The following SULF1 variants were observed in gnomAD, a reference collection of about 807,000 sequenced individuals.
The protein encoded by SULF1 is extracellular sulfatase Sulf-1.
SULF1 carries 46 observed loss-of-function variants against 110.5 expected under a neutral mutation model. That is an observed-to-expected ratio of 0.42 (90% confidence interval 0.33 to 0.53). The LOEUF (loss-of-function observed/expected upper bound fraction) is 0.53, where lower values mean the gene tolerates loss of function less well. Ranked by LOEUF, SULF1 falls within the 20% of genes least tolerant of loss-of-function variation. SULF1 has a pLI of 0.12. For synonymous variants in SULF1, 371 were observed against 387.1 expected, an observed-to-expected ratio of 0.96 and a Z score of 0.49; for missense variants, 941 against 1,094.2, an observed-to-expected ratio of 0.86 and a Z score of 1.98.
chr8:69,647,303 T>G (rs1811994100), intron 22 of SULF1, among the ~76,000 whole-genome samples: 1 of 152,210 alleles, frequency 6.6e-6, no homozygotes, highest in Non-Finnish European at 1.5e-5. Context: ...ATTGCAGTTT[T>G]TAATGTCAAT....
intron 3 of SULF1, among the ~76,000 whole-genome samples, chr8:69,524,852 G>T (rs1013599442): frequency 6.6e-6 from 1 of 152,078 alleles, no homozygotes; most frequent in African/African-American, 2.4e-5. Flanking sequence ...GGTGCCAAAT[G>T]ATACTGCAGA....
At chr8:69,595,219 A>T (rs1807214455) in intron 8 of SULF1, among the ~76,000 whole-genome samples, 1 of 152,234 alleles carries the variant, frequency 6.6e-6, no homozygotes, top group South Asian at 2.1e-4. Context: ...TGTGAAGGTC[A>T]TGTGAGTATT....
intron 15 of SULF1, among the ~76,000 whole-genome samples, chr8:69,624,925 CT>C (rs1725816733): frequency 1.3e-5 from 2 of 152,186 alleles, no homozygotes; most frequent in Admixed American, 1.3e-4. Context: ...AATTGTATCA[CT>C]TTGAGGAGAT....
intron 9 of SULF1, among the ~76,000 whole-genome samples, chr8:69,601,318 A>T (rs1454735890): frequency 1.3e-5 from 2 of 152,228 alleles, no homozygotes; most frequent in African/African-American, 2.4e-5. Context: ...TAGATATGTG[A>T]TGATAATTTT....
At chr8:69,502,611 CCTCT>C (rs1443380472) in intron 3 of SULF1, among the ~76,000 whole-genome samples, 3 of 151,890 alleles carry the variant, frequency 2.0e-5, no homozygotes, top group Admixed American at 6.6e-5. Flanking sequence ...ATGTTCAGTT[CCTCT>C]CTATTTCATT....
chr8:69,640,834 C>A lies in SULF1; in HGVS notation c.2578C>A (p.Leu860Ile). ...VGNKDGGSYD[L>I]HRGQLWDGWE... is the part of the protein sequence containing the mutation. ...AAATAAAGATGGAGGAAGCTATGAC[C>A]TACACAGGTATTCACACTTTTTTAT... The change falls in exon 22 of 23, where the codon CTA becomes ATA. Residue 860 changes from leucine to isoleucine, a missense_variant. Leu to Ile is a conservative substitution (Grantham distance 5, BLOSUM62 2). Transcript: ENST00000402687. 1 of 1,610,386 alleles carries A rather than the reference C, an allele frequency of 6.2e-7. No individual in the cohort carries two copies. Among genetic ancestry groups the A allele is most frequent in the South Asian group, 1.1e-5 (1 of 90,332 alleles).
intron 3 of SULF1, among the ~76,000 whole-genome samples, chr8:69,552,852 A>C (rs1814827965): frequency 1.3e-5 from 2 of 152,242 alleles, no homozygotes; most frequent in African/African-American, 4.8e-5. Context: ...GCTCAGAAGA[A>C]TACAGCATGA....
At chr8:69,572,963 G>A (rs947642328) in intron 5 of SULF1, among the ~76,000 whole-genome samples, 2 of 152,130 alleles carry the variant, frequency 1.3e-5, no homozygotes, top group South Asian at 2.1e-4. Flanking sequence ...AAGTAGCTGG[G>A]TCTACAGGCG....
intron 22 of SULF1, among the ~76,000 whole-genome samples, chr8:69,651,051 C>CTTTTTTTTTTTTTTTT (rs111556401): frequency 7.5e-6 from 1 of 134,164 alleles, no homozygotes. Flanking sequence ...TCTTTTTTTT[C>CTTTTTTTTTTTTTTTT]TTTTCTTTTT....
intron 8 of SULF1, among the ~76,000 whole-genome samples, chr8:69,599,254 C>G (rs1050703099): frequency 6.6e-6 from 1 of 152,198 alleles, no homozygotes; most frequent in Non-Finnish European, 1.5e-5. Context: ...CATCATTTCA[C>G]TGATGGGATC....
chr8:69,647,068 C>T (rs1811973875), intron 22 of SULF1, among the ~76,000 whole-genome samples: 2 of 151,630 alleles, frequency 1.3e-5, no homozygotes, highest in South Asian at 4.2e-4. Context: ...CCTCAGCCTC[C>T]CTAGTAGCTG....
At chr8:69,591,296 T>C (rs914003948) in intron 8 of SULF1, among the ~76,000 whole-genome samples, 1 of 152,222 alleles carries the variant, frequency 6.6e-6, no homozygotes, top group Admixed American at 6.5e-5. Context: ...GGCTCACGCC[T>C]GTAATCTCAG....
chr8:69,573,943 G>A (rs1805420909), intron 5 of SULF1, among the ~76,000 whole-genome samples: 1 of 152,002 alleles, frequency 6.6e-6, no homozygotes, highest in South Asian at 2.1e-4. Flanking sequence ...ACATCACTTG[G>A]GTCTGCTTCT....
chr8:69,472,798 G>A (rs780401381), intron 1 of SULF1, among the ~76,000 whole-genome samples: 1 of 152,144 alleles, frequency 6.6e-6, no homozygotes, highest in African/African-American at 2.4e-5. Flanking sequence ...TGTGGTCCAT[G>A]TACTCCTGCA....
intron 3 of SULF1, among the ~76,000 whole-genome samples, chr8:69,525,830 G>A (rs1331468721): frequency 1.3e-5 from 2 of 152,152 alleles, no homozygotes; most frequent in Non-Finnish European, 2.9e-5. Flanking sequence ...CTGCCCCCGT[G>A]TGAGCCGAAG....
intron 3 of SULF1, among the ~76,000 whole-genome samples, chr8:69,520,431 C>T (rs962754535): frequency 6.6e-6 from 1 of 152,060 alleles, no homozygotes; most frequent in Non-Finnish European, 1.5e-5. Flanking sequence ...ATTACACAAC[C>T]TACCAGGTAG....
intron 1 of SULF1, among the ~76,000 whole-genome samples, chr8:69,469,098 G>A (rs891528623): frequency 4.6e-5 from 7 of 152,230 alleles, no homozygotes; most frequent in Admixed American, 6.5e-5. Context: ...AAGTTACTTC[G>A]TGAACTGAAA....
intron 13 of SULF1, among the ~76,000 whole-genome samples, chr8:69,607,943 A>G (rs910966756): frequency 1.3e-5 from 2 of 152,132 alleles, no homozygotes; most frequent in South Asian, 2.1e-4. Context: ...CAACACAGTC[A>G]GGTTTTGACA....
At chr8:69,566,371 C>A (rs1418799787) in intron 5 of SULF1, among the ~76,000 whole-genome samples, 1 of 152,088 alleles carries the variant, frequency 6.6e-6, no homozygotes, top group Admixed American at 6.5e-5. Flanking sequence ...AAATTTTCAG[C>A]CTTGTCCTAT....
Sources: allele counts gnomAD v4.1 joint callset (sites outside exome capture counted in the v4.1 genomes callset), GRCh38; gene constraint gnomAD v4.1.1; transcripts MANE v1.5; gene names NCBI Gene and HGNC (gene_info 2026-07-23, HGNC 2026-07-21).